NALCN: variants seen among roughly 807,000 people sequenced by gnomAD.
NALCN encodes the protein sodium leak channel, non-selective.
NALCN carries 111 observed loss-of-function variants against 225.3 expected under a neutral mutation model. That is an observed-to-expected ratio of 0.49 (90% CI 0.42 to 0.58). The LOEUF is 0.58. Among genes scored for constraint, NALCN ranks in the 20% least tolerant of loss-of-function variants. The pLI is 0.00. For missense variants in NALCN, 1,378 were observed against 2,202.4 expected, an observed-to-expected ratio of 0.63 and a Z score of 7.49; for synonymous variants, 764 against 769.0, an observed-to-expected ratio of 0.99 and a Z score of 0.11.
In NALCN at chr13:101,284,005, A is replaced by T; in HGVS notation, c.1062T>A (p.Asp354Glu). ...STATTQMFHE[D>E]AAGGWQLVAV... ...CTACCAGCTGCCAACCTCCAGCAGCATCTTCATGAAACATCTTCAAGACAA... is the reference window on the plus strand; with the variant it reads ...CTACCAGCTGCCAACCTCCAGCAGCTTCTTCATGAAACATCTTCAAGACAA... Residue 354 changes from aspartate (D) to glutamate (E), a missense_variant, in exon 10 of 44, where the codon GAT becomes GAA. Physicochemically the swap from Asp to Glu is conservative, Grantham distance 45. Transcript: ENST00000251127. 3 of 1,613,386 alleles carry T rather than the reference A, an allele frequency of 1.9e-6. No individual in the cohort carries two copies. Among genetic ancestry groups the T allele is most frequent in the Non-Finnish European group, 2.5e-6 (3 of 1,179,738 alleles).
intron 7 of NALCN, among the ~76,000 whole-genome samples, chr13:101,314,078 G>A (rs887523453): frequency 2.6e-4 from 38 of 147,624 alleles, no homozygotes; most frequent in African/African-American, 6.5e-4. Flanking sequence ...ATCAAACACC[G>A]CATGTTCTCA....
intron 1 of NALCN, among the ~76,000 whole-genome samples, chr13:101,400,580 T>TGTGTGTGTGTGC (rs1447560398): frequency 2.2e-5 from 3 of 135,664 alleles, no homozygotes; most frequent in African/African-American, 9.6e-5. Flanking sequence ...TGTGTGTGTG[T>TGTGTGTGTGTGC]GCACGTGTGT....
intron 10 of NALCN, among the ~76,000 whole-genome samples, chr13:101,262,813 T>C (rs1433443832): frequency 6.6e-6 from 1 of 152,156 alleles, no homozygotes; most frequent in Non-Finnish European, 1.5e-5. Flanking sequence ...ACTGGCACTG[T>C]GGCCCCAGGG....
intron 28 of NALCN, 98 bp from the exon 29 acceptor site, chr13:101,090,064 G>T: frequency 6.6e-7 from 1 of 1,517,922 alleles, no homozygotes; most frequent in Non-Finnish European, 9.0e-7. Flanking sequence ...TGGGATATGT[G>T]TGTGTGTGTG....
intron 39 of NALCN, among the ~76,000 whole-genome samples, chr13:101,067,513 C>G (rs2032522086): frequency 1.3e-5 from 2 of 152,188 alleles, no homozygotes; most frequent in African/African-American, 4.8e-5. Flanking sequence ...TACACACCTT[C>G]AGATGCCACT....
intron 10 of NALCN, among the ~76,000 whole-genome samples, chr13:101,275,884 T>G (rs2042953181): frequency 6.6e-6 from 1 of 151,522 alleles, no homozygotes; most frequent in Admixed American, 6.6e-5. Context: ...GCCAACGTGG[T>G]GAAACCCCGT....
At chr13:101,134,806 C>G (rs1151386) in intron 17 of NALCN, among the ~76,000 whole-genome samples, 6,244 of 152,180 alleles carry the variant, frequency 0.041, 174 homozygotes, top group African/African-American at 0.077. Context: ...TCTTACACAT[C>G]AAATAATGAA....
chr13:101,374,486 C>G (rs141228568), intron 6 of NALCN, among the ~76,000 whole-genome samples: 1 of 151,890 alleles, frequency 6.6e-6, no homozygotes, highest in Non-Finnish European at 1.5e-5. Flanking sequence ...GGGGTTTCAC[C>G]GTATTGGTCA....
chr13:101,379,059 A>T (rs907425706), intron 3 of NALCN, among the ~76,000 whole-genome samples: 19 of 152,212 alleles, frequency 1.2e-4, no homozygotes, highest in Non-Finnish European at 1.8e-4. Context: ...TAGCACCGTT[A>T]GTAGGAAAAC....
intron 7 of NALCN, among the ~76,000 whole-genome samples, chr13:101,295,222 A>C (rs11619946): frequency 0.24 from 35,890 of 152,138 alleles, 5,151 homozygotes; most frequent in South Asian, 0.32. Flanking sequence ...ATTCATAGGT[A>C]CTAACACTGG....
intron 1 of NALCN, among the ~76,000 whole-genome samples, chr13:101,401,455 G>A (rs2047476924): frequency 2.0e-5 from 3 of 152,040 alleles, no homozygotes; most frequent in African/African-American, 7.2e-5. Context: ...TAAAAGAGTG[G>A]TTTCACTTCA....
Position 101,143,076 on chromosome 13 carries a change from T to G in NALCN, c.2118+4A>C. 1 of 1,614,164 alleles carries G rather than the reference T, an allele frequency of 6.2e-7. No individual in the cohort carries two copies. Among genetic ancestry groups the G allele is most frequent in the Non-Finnish European group, 8.5e-7 (1 of 1,179,996 alleles). Reference sequence around the variant, plus strand: ...GCCTGGTTATTCGAAACAGCAGATCTTACTTTTTGGTCGATGTATTTGTTG... The same window carrying G: ...GCCTGGTTATTCGAAACAGCAGATCGTACTTTTTGGTCGATGTATTTGTTG... On this transcript the variant is annotated splice_donor_region_variant and intron_variant, in intron 17 of 43. Coordinates refer to ENST00000251127, the MANE Select transcript of NALCN (RefSeq NM_052867.4).
chr13:101,368,903 G>T (rs533384555), intron 6 of NALCN: 1 of 216,920 alleles, frequency 4.6e-6, no homozygotes, highest in South Asian at 4.6e-5. Context: ...CTACTTGGGG[G>T]GCTGAAGCAG....
At position 101,379,660 on chromosome 13, in the gene NALCN, G is replaced by A. The variant is rs138689132; in HGVS notation, c.292-1007C>T. Among the ~76,000 whole-genome samples the A allele has an allele frequency of 3.1e-3, 473 of 152,046 alleles. 7 individuals are homozygous for A. The highest frequency in any genetic ancestry group is 0.024 in the Admixed American group (367 of 15,276). On this transcript the variant is annotated intron_variant, in intron 3 of 43. Transcript: ENST00000251127. ...ATGTTCTCACTCATAAGTGGGAGTC[G>A]AACAATGAGAACATATGGACACAGG...
At chr13:101,349,952 T>A (rs1178472690) in intron 6 of NALCN, among the ~76,000 whole-genome samples, 1 of 152,116 alleles carries the variant, frequency 6.6e-6, no homozygotes, top group African/African-American at 2.4e-5. Context: ...AAACTTGAAG[T>A]CTTAGAATCA....
intron 14 of NALCN, among the ~76,000 whole-genome samples, chr13:101,185,995 G>T (rs1318776679): frequency 6.6e-6 from 1 of 152,210 alleles, no homozygotes; most frequent in African/African-American, 2.4e-5. Flanking sequence ...GGTAAGTTCA[G>T]CTCTGAAGAC....
chr13:101,119,258 A>C (rs2035858565), intron 18 of NALCN, among the ~76,000 whole-genome samples: 1 of 152,244 alleles, frequency 6.6e-6, no homozygotes, highest in Non-Finnish European at 1.5e-5. Flanking sequence ...TGATTCTTTT[A>C]AAATGATAAG....
At chr13:101,286,526 C>T (rs541600714) in intron 9 of NALCN, among the ~76,000 whole-genome samples, 1 of 152,034 alleles carries the variant, frequency 6.6e-6, no homozygotes, top group Non-Finnish European at 1.5e-5. Context: ...TGTCTGGATC[C>T]GTGGCAACAC....
chr13:101,363,584 T>C (rs1362835986), intron 6 of NALCN, among the ~76,000 whole-genome samples: 2 of 151,944 alleles, frequency 1.3e-5, no homozygotes, highest in Non-Finnish European at 2.9e-5. Context: ...AATCAAATAA[T>C]AAAGGATTAA....
Sources: gnomAD v4.1 joint callset for allele counts (sites outside exome capture counted in the v4.1 genomes callset) on GRCh38, gnomAD v4.1.1 for gene constraint, MANE v1.5 for transcripts, NCBI Gene and HGNC (gene_info 2026-07-23, HGNC 2026-07-21) for gene names.